The following FUT8 variants were observed in gnomAD, a reference collection of about 807,000 sequenced individuals.
The protein encoded by FUT8 is fucosyltransferase 8, also known as alpha-(1,6)-fucosyltransferase.
In FUT8, 29 loss-of-function variants were observed where a neutral mutation model predicts 71.3. The observed-to-expected ratio is 0.41, with a 90% confidence interval of 0.30 to 0.55. FUT8 has a LOEUF of 0.55. Among genes scored for constraint, FUT8 ranks in the 20% least tolerant of loss-of-function variants. The pLI, the probability that FUT8 is intolerant of heterozygous loss-of-function variation, is 0.34. For synonymous variants in FUT8, 254 were observed against 239.3 expected, an observed-to-expected ratio of 1.06 and a Z score of -0.57; for missense variants, 544 against 702.1, an observed-to-expected ratio of 0.77 and a Z score of 2.55.
At chr14:65,692,836 G>C (rs552247104) in intron 7 of FUT8, among the ~76,000 whole-genome samples, 1 of 150,864 alleles carries the variant, frequency 6.6e-6, no homozygotes, top group South Asian at 2.1e-4. Flanking sequence ...ACGGGGTCAC[G>C]GCCGGGCAGA....
At chr14:65,630,284 G>A (rs1456453675) in intron 6 of FUT8, among the ~76,000 whole-genome samples, 1 of 152,142 alleles carries the variant, frequency 6.6e-6, no homozygotes, top group Non-Finnish European at 1.5e-5. Context: ...CAAATAGAAA[G>A]TATTGGTAAA....
At chr14:65,640,102 A>G (rs574075103) in intron 6 of FUT8, among the ~76,000 whole-genome samples, 1 of 152,242 alleles carries the variant, frequency 6.6e-6, no homozygotes, top group South Asian at 2.1e-4. Context: ...GTCAGAAGAA[A>G]AATTAGTGTG....
At chr14:65,534,800 G>T (rs1377562680) in intron 2 of FUT8, among the ~76,000 whole-genome samples, 3 of 150,910 alleles carry the variant, frequency 2.0e-5, no homozygotes. Flanking sequence ...TGTTTATTTG[G>T]ATCTTCTCTT....
At chr14:65,645,229 A>T (rs1245440604) in intron 6 of FUT8, among the ~76,000 whole-genome samples, 1 of 152,334 alleles carries the variant, frequency 6.6e-6, no homozygotes, top group Non-Finnish European at 1.5e-5. Context: ...TGACTCCAGG[A>T]TGAAAAAAGA....
the FUT8 span, among the ~76,000 whole-genome samples, chr14:65,394,345 C>T: frequency 2.0e-5 from 3 of 152,120 alleles, no homozygotes; most frequent in East Asian, 5.8e-4. Context: ...CACTATGATT[C>T]AATTATCTCT....
At chr14:65,398,216 A>G in the FUT8 span, among the ~76,000 whole-genome samples, 1 of 152,128 alleles carries the variant, frequency 6.6e-6, no homozygotes, top group Non-Finnish European at 1.5e-5. Context: ...GCTGGAGTAT[A>G]GTGGCACAAT....
chr14:65,462,872 G>C (rs1251602051), intron 2 of FUT8, among the ~76,000 whole-genome samples: 2 of 152,180 alleles, frequency 1.3e-5, no homozygotes, highest in African/African-American at 2.4e-5. Flanking sequence ...TAGGAGAAAG[G>C]ACGGATTTTT....
the FUT8 span, among the ~76,000 whole-genome samples, chr14:65,370,076 T>C: frequency 6.6e-6 from 1 of 151,982 alleles, no homozygotes; most frequent in Non-Finnish European, 1.5e-5. Flanking sequence ...TTATTCTTCT[T>C]CATGTCATCG....
At position 65,652,242 on chromosome 14, in the gene FUT8, G is replaced by C. The variant is rs1403328669; in HGVS notation, c.598-17001G>C. ...TGTAAGAGCCTTCAGTGGACCAGAA[G>C]CTGGAAAGGCCAGATACTCGCTTTC... On this transcript the variant is annotated intron_variant, in intron 6 of 10. Transcript: ENST00000673929. This position sits in a 1 kb window ranked among gnomAD's most constrained non-coding sequence, Gnocchi z 4.0. 6.6e-6 allele frequency among the ~76,000 whole-genome samples: 1 copy of C among 152,184 alleles called. No homozygotes were observed. The highest frequency in any genetic ancestry group is 2.1e-4 in the South Asian group (1 of 4,828).
At chr14:65,493,966 T>C (rs1204634173) in intron 2 of FUT8, among the ~76,000 whole-genome samples, 1 of 152,114 alleles carries the variant, frequency 6.6e-6, no homozygotes, top group Non-Finnish European at 1.5e-5. Flanking sequence ...GTGAATGTAA[T>C]ATGCTTTGTT....
chr14:65,533,264 T>A (rs893460367), intron 2 of FUT8, among the ~76,000 whole-genome samples: 3 of 152,190 alleles, frequency 2.0e-5, no homozygotes, highest in African/African-American at 7.2e-5. Flanking sequence ...TTAATTTTAA[T>A]GACATTGATT....
chr14:65,530,426 C>G (rs141368209), intron 2 of FUT8, among the ~76,000 whole-genome samples: 1 of 152,098 alleles, frequency 6.6e-6, no homozygotes, highest in East Asian at 1.9e-4. Flanking sequence ...GGGTAATTCT[C>G]GATCCTATTA....
intron 7 of FUT8, among the ~76,000 whole-genome samples, chr14:65,687,300 T>A (rs1893338717): frequency 6.6e-6 from 1 of 152,174 alleles, no homozygotes; most frequent in Non-Finnish European, 1.5e-5. Flanking sequence ...GAAAATCACA[T>A]GGTGAGGTAT....
the FUT8 span, among the ~76,000 whole-genome samples, chr14:65,367,791 C>T: frequency 6.6e-6 from 1 of 152,158 alleles, no homozygotes; most frequent in African/African-American, 2.4e-5. Flanking sequence ...CCCACCAAAT[C>T]CTGCAAATTG....
At chr14:65,425,887 G>C (rs2065377854) in intron 1 of FUT8, among the ~76,000 whole-genome samples, 1 of 151,650 alleles carries the variant, frequency 6.6e-6, no homozygotes, top group Admixed American at 6.6e-5. Context: ...TGAGGCAGGA[G>C]AATTGCTTGA....
chr14:65,669,095 G>T lies in FUT8; in HGVS notation c.598-148G>T, dbSNP rs549693778. The stretch of plus-strand genomic sequence containing the variant: ...TATCACTTACTATGCTGATTACTTG[G>T]GGTGTATACCAAACCCCACGACACA... On this transcript the variant is annotated intron_variant, in intron 6 of 10. Transcript: ENST00000673929. This position sits in a 1 kb window ranked among gnomAD's most constrained non-coding sequence, Gnocchi z 4.5. The T allele has an allele frequency of 3.3e-6, 2 of 613,488 alleles. No individual in the cohort carries two copies. The highest frequency in any genetic ancestry group is 5.5e-5 in the East Asian group (2 of 36,218). The allele number at this position is 613,488 out of a possible 1,614,324, so 38.0% of individuals were successfully genotyped here.
chr14:65,645,675 T>C (rs149089557), intron 6 of FUT8, among the ~76,000 whole-genome samples: 5 of 152,348 alleles, frequency 3.3e-5, no homozygotes, highest in Admixed American at 3.3e-4. Context: ...ATATAATTGC[T>C]TGTGCTACAT....
chr14:65,724,256 C>G lies in FUT8; in HGVS notation c.1192C>G (p.Gln398Glu). 1 of 1,612,410 alleles carries G rather than the reference C, an allele frequency of 6.2e-7. No individual in the cohort carries two copies. Among genetic ancestry groups the G allele is most frequent in the Non-Finnish European group, 8.5e-7 (1 of 1,179,496 alleles). Reference protein sequence around the residue: ...EHFQLLARRMQVDKKRVYLAT... With the variant: ...EHFQLLARRMEVDKKRVYLAT... The stretch of plus-strand genomic sequence containing the variant: ...TTTTCAGCTTCTTGCACGCAGAATG[C>G]AAGTGGACAAAAAAAGAGTGTATTT... Residue 398 changes from glutamine to glutamate, a missense_variant, in exon 9 of 11, where the codon CAA (glutamine) becomes GAA (glutamate). By Grantham distance (29) the Gln-to-Glu change is conservative. Transcript: ENST00000673929.
intron 2 of FUT8, among the ~76,000 whole-genome samples, chr14:65,459,262 C>T (rs1257844122): frequency 1.3e-5 from 2 of 151,946 alleles, no homozygotes; most frequent in African/African-American, 2.4e-5. Flanking sequence ...AGATTTTAAA[C>T]CACAATTCTA....
Sources: allele counts gnomAD v4.1 joint callset (sites outside exome capture counted in the v4.1 genomes callset), GRCh38; gene constraint gnomAD v4.1.1; non-coding constraint Gnocchi (gnomAD v3.1); transcripts MANE v1.5; gene names NCBI Gene and HGNC (gene_info 2026-07-23, HGNC 2026-07-21).